The following RET variants were observed in gnomAD, a reference collection of about 807,000 sequenced individuals.
The protein encoded by RET is proto-oncogene tyrosine-protein kinase receptor Ret.
RET carries 19 observed loss-of-function variants against 118.3 expected under a neutral mutation model. The observed-to-expected ratio is 0.16, with a 90% CI of 0.11 to 0.24. RET has a LOEUF of 0.24. Among genes scored for constraint, RET ranks in the 10% least tolerant of loss-of-function variants. The pLI is 1.00. For missense variants in RET, 1,219 were observed against 1,502.1 expected (o/e 0.81, Z 3.12); for synonymous variants, 597 against 644.1 (o/e 0.93, Z 1.11).
intron 1 of RET, among the ~76,000 whole-genome samples, chr10:43,087,588 G>A (rs943101686): frequency 1.1e-4 from 16 of 152,196 alleles, no homozygotes; most frequent in East Asian, 3.8e-4. Flanking sequence ...ACTTGTTAGC[G>A]GGTACAATTA....
In RET at chr10:43,116,610, G is replaced by A. The variant is rs1220690602; in HGVS notation, c.2163G>A (p.Arg721=). 1 of 1,614,178 alleles carries A rather than the reference G, an allele frequency of 6.2e-7. No homozygotes were observed. Among genetic ancestry groups the A allele is most frequent in the South Asian group, 1.1e-5 (1 of 91,092 alleles). ...ILEDPKWEFP[R]KNLVLGKTLG... is the part of the protein sequence containing the mutation. ...AGGATCCAAAGTGGGAATTCCCTCG[G>A]AAGAACTTGGTTCTTGGAAAAACTC... is the stretch of plus-strand genomic sequence containing the variant. Residue 721 remains arginine, a synonymous_variant, in exon 12 of 20, where the codon CGG becomes CGA. Transcript: ENST00000355710.
chr10:43,130,211 G>A lies in RET; in HGVS notation c.*1942G>A. ...AAGTTACTAAGTATTAAGTATTACT[G>A]AGTATTAAGTAGTAATCTGTCAGTT... On this transcript the variant is annotated 3_prime_UTR_variant, in exon 20 of 20. Coordinates refer to ENST00000355710, the MANE Select transcript of RET (RefSeq NM_020975.6). The A allele has an allele frequency of 2.5e-6, 1 of 394,428 alleles. No individual in the cohort carries two copies. The highest frequency in any genetic ancestry group is 4.5e-6 in the Non-Finnish European group (1 of 224,062). 24.4% of individuals were successfully genotyped at this position (394,428 alleles called of 1,614,324 possible).
At chr10:43,124,228 G>T (rs1427647135) in intron 17 of RET, among the ~76,000 whole-genome samples, 1 of 152,122 alleles carries the variant, frequency 6.6e-6, no homozygotes, top group Non-Finnish European at 1.5e-5. Context: ...AGGGGAGATG[G>T]TCTTAGAAAC....
At chr10:43,086,997 C>G (rs1257964163) in intron 1 of RET, among the ~76,000 whole-genome samples, 1 of 152,258 alleles carries the variant, frequency 6.6e-6, no homozygotes, top group African/African-American at 2.4e-5. Context: ...CGGCAGAAGG[C>G]TGCATGGCTT....
At chr10:43,100,406 C>A in intron 1 of RET, 53 bp from the exon 2 acceptor site, 1 of 1,548,042 alleles carries the variant, frequency 6.5e-7, no homozygotes, top group Non-Finnish European at 8.8e-7. Context: ...TTTTTTTGTC[C>A]TTGAAGAAGC....
chr10:43,102,973 C>G, intron 3 of RET: 1 of 380,776 alleles, frequency 2.6e-6, no homozygotes, highest in South Asian at 2.2e-5. Flanking sequence ...GGGGAACAGA[C>G]GAGGAGACCT....
intron 1 of RET, among the ~76,000 whole-genome samples, chr10:43,082,639 A>G (rs1481721194): frequency 1.3e-5 from 2 of 152,138 alleles, no homozygotes; most frequent in Non-Finnish European, 2.9e-5. Flanking sequence ...GCCCTGCAGG[A>G]GCCAGGGTTC....
At position 43,100,544 on chromosome 10, in the gene RET, C is replaced by T. The variant is rs753523209; in HGVS notation, c.159C>T (p.Val53=). ...DQAAGTPLLY[V]HALRDAPEEV... Reference sequence around the variant, plus strand: ...CAGCCGGCACGCCCTTGCTGTACGTCCATGCCCTGCGGGACGCCCCTGAGG... The same window carrying T: ...CAGCCGGCACGCCCTTGCTGTACGTTCATGCCCTGCGGGACGCCCCTGAGG... Residue 53 remains valine (V), a synonymous_variant, in exon 2 of 20, where the codon GTC becomes GTT. Coordinates refer to ENST00000355710, the MANE Select transcript of RET (RefSeq NM_020975.6). The T allele has an allele frequency of 6.8e-6, 11 of 1,613,808 alleles. No homozygotes were observed. The highest frequency in any genetic ancestry group is 9.3e-6 in the Non-Finnish European group (11 of 1,180,028).
intron 7 of RET, among the ~76,000 whole-genome samples, chr10:43,111,821 T>A (rs1230353040): frequency 6.6e-6 from 1 of 152,200 alleles, no homozygotes; most frequent in East Asian, 1.9e-4. Context: ...GAAATGTAGG[T>A]CCCACAGGGC....
intron 1 of RET, among the ~76,000 whole-genome samples, chr10:43,093,501 G>A (rs1837451971): frequency 6.6e-6 from 1 of 152,244 alleles, no homozygotes; most frequent in Non-Finnish European, 1.5e-5. Flanking sequence ...TGCCCAGGCT[G>A]CTGATCAGCA....
chr10:43,089,953 G>T (rs1485680565), intron 1 of RET, among the ~76,000 whole-genome samples: 1 of 152,204 alleles, frequency 6.6e-6, no homozygotes, highest in Admixed American at 6.5e-5. Flanking sequence ...AGGACAGTGG[G>T]CAGGACTCCC....
In RET at chr10:43,113,502, C is replaced by T. The variant is rs542889776; in HGVS notation, c.1760-54C>T. ...TGGGACACTGCCCTGGAAATATGGGCGCCTGGGGTGGTCAGGCGCCCCAGG... is the reference window on the plus strand; with the variant it reads ...TGGGACACTGCCCTGGAAATATGGGTGCCTGGGGTGGTCAGGCGCCCCAGG... On this transcript the variant is annotated intron_variant, in intron 9 of 19. Coordinates refer to ENST00000355710, the MANE Select transcript of RET (RefSeq NM_020975.6). 4.1e-5 allele frequency: 64 copies of T among 1,551,808 alleles called. 1 individual carries two copies. The South Asian group carries it at 5.6e-4, about 14-fold the overall frequency.
At chr10:43,127,580 C>A in intron 19 of RET, 18 of 640,074 alleles carry the variant, frequency 2.8e-5, no homozygotes, top group Non-Finnish European at 3.4e-5. Context: ...TGAGACGGTT[C>A]CTTTTGCATG....
At chr10:43,107,736 G>A (rs914428519) in intron 5 of RET, among the ~76,000 whole-genome samples, 2 of 152,128 alleles carry the variant, frequency 1.3e-5, no homozygotes, top group Non-Finnish European at 2.9e-5. Flanking sequence ...CCAAGGTGGT[G>A]GAGTTACAGT....
In RET at chr10:43,109,050, C is replaced by A. The variant is rs770587835; in HGVS notation, c.1083C>A (p.Asn361Lys). 44 of 1,613,322 alleles carry A rather than the reference C, an allele frequency of 2.7e-5. No homozygotes were observed. Among genetic ancestry groups the A allele is most frequent in the Non-Finnish European group, 3.6e-5 (42 of 1,180,042 alleles). The change falls in exon 6 of 20, where the codon AAC (asparagine) becomes AAA (lysine). Residue 361 changes from asparagine (N) to lysine (K), a missense_variant. By Grantham distance (94) the Asn-to-Lys change is moderately conservative. Around this residue, in one of 5 missense-constraint regions of RET, gnomAD observed 850 missense variants for 969.6 expected, o/e 0.88. Coordinates refer to ENST00000355710, the MANE Select transcript of RET (RefSeq NM_020975.6). ...VHDYRLVLNR[N>K]LSISENRTMQ... ...CTGCAGGGCTGGTTCTCAACCGGAA[C>A]CTCTCCATCTCGGAGAACCGCACCA...
Position 43,111,190 on chromosome 10 carries a change from C to T in RET, c.1264-17C>T, listed in dbSNP as rs768193163. On this transcript the variant is annotated splice_polypyrimidine_tract_variant and intron_variant, in intron 6 of 19. Transcript: ENST00000355710. ...GGTCCAGCTGCCTGGCTAAGGTGTT[C>T]CCCTGTGCCCCCCTAGATCGGGAAA... 10 of 1,613,220 alleles carry T rather than the reference C, an allele frequency of 6.2e-6. No individual in the cohort carries two copies. Among genetic ancestry groups the T allele is most frequent in the Middle Eastern group, 1.6e-4 (1 of 6,084 alleles).
chr10:43,082,477 C>G (rs181175497), intron 1 of RET, among the ~76,000 whole-genome samples: 248 of 152,328 alleles, frequency 1.6e-3, no homozygotes, highest in African/African-American at 5.8e-3. Flanking sequence ...TCCCTGATAT[C>G]AGGGATACCT....
chr10:43,101,492 G>A (rs936038116), intron 2 of RET, among the ~76,000 whole-genome samples: 6 of 152,240 alleles, frequency 3.9e-5, no homozygotes, highest in African/African-American at 9.6e-5. Flanking sequence ...AACTCCCTCC[G>A]GCGCAGCCCA....
Position 43,119,619 on chromosome 10 carries a change from G to A in RET, c.2481G>A (p.Leu827=), listed in dbSNP as rs775022842. 1 of 1,612,930 alleles carries A rather than the reference G, an allele frequency of 6.2e-7. No individual in the cohort carries two copies. The highest frequency in any genetic ancestry group is 8.5e-7 in the Non-Finnish European group (1 of 1,179,956). Residue 827 remains leucine, a synonymous_variant, in exon 14 of 20, where the codon CTG becomes CTA. Transcript: ENST00000355710. ...GCCGCAAAGTGGGGCCTGGCTACCT[G>A]GGCAGTGGAGGCAGCCGCAACTCCA... ...RESRKVGPGY[L]GSGGSRNSSS...
Sources: allele counts gnomAD v4.1 joint callset (sites outside exome capture counted in the v4.1 genomes callset), GRCh38; gene constraint gnomAD v4.1.1; regional missense constraint gnomAD v4.1.1; transcripts MANE v1.5; gene names NCBI Gene and HGNC (gene_info 2026-07-23, HGNC 2026-07-21).